KCNH2: variants seen among roughly 807,000 people sequenced by gnomAD.
KCNH2 encodes voltage-gated inwardly rectifying potassium channel KCNH2.
A neutral mutation model predicts 95.9 loss-of-function variants in KCNH2; 35 were observed. The ratio of observed to expected loss-of-function variants is 0.37; its 90% CI spans 0.28 to 0.48. The LOEUF (loss-of-function observed/expected upper bound fraction) is 0.48, where lower values mean the gene tolerates loss of function less well. Ranked by LOEUF, KCNH2 falls within the 20% of genes least tolerant of loss-of-function variation. KCNH2 has a pLI of 0.99. For synonymous variants in KCNH2, 786 were observed against 754.7 expected, an observed-to-expected ratio of 1.04 and a Z score of -0.68; for missense variants, 1,274 against 1,702.9, an observed-to-expected ratio of 0.75 and a Z score of 4.43.
chr7:150,959,610 G>A lies in KCNH2; in HGVS notation c.434C>T (p.Thr145Ile), dbSNP rs1801497068. The A allele has an allele frequency of 6.2e-7, 1 of 1,614,124 alleles. No homozygotes were observed. Among genetic ancestry groups the A allele is most frequent in the Non-Finnish European group, 8.5e-7 (1 of 1,180,002 alleles). The change falls in exon 3 of 15, where the codon ACC (threonine) becomes ATC (isoleucine). Residue 145 changes from threonine to isoleucine, a missense_variant. By Grantham distance (89) the Thr-to-Ile change is moderately conservative (BLOSUM62 -1). Coordinates refer to ENST00000262186, the MANE Select transcript of KCNH2 (RefSeq NM_000238.4). The stretch of plus-strand genomic sequence containing the variant: ...GCTGGTGGGGGGGCCCCGGTGGTTG[G>A]TGTCATGAGCCGGGGACCCCACCAT... ...KDMVGSPAHD[T>I]NHRGPPTSWL...
At chr7:150,963,205 G>A (rs575423639) in intron 2 of KCNH2, among the ~76,000 whole-genome samples, 1 of 152,354 alleles carries the variant, frequency 6.6e-6, no homozygotes, top group African/African-American at 2.4e-5. Context: ...GCACTCAGGG[G>A]GCAGCCAGGA....
In KCNH2 at chr7:150,958,324, G is replaced by A. The variant is rs1801453300; in HGVS notation, c.651C>T (p.Ala217=). ...SESLALDEVT[A]MDNHVAGLGP... is the part of the protein sequence containing the mutation. ...CGAGCCCTGCCACGTGGTTGTCCAT[G>A]GCTGTCACTTCGTCCAGGGCCAGCG... Residue 217 remains alanine (A), a synonymous_variant, in exon 4 of 15, where the codon GCC becomes GCT. Coordinates refer to ENST00000262186, the MANE Select transcript of KCNH2 (RefSeq NM_000238.4). 6.7e-7 allele frequency: 1 copy of A among 1,489,238 alleles called. No individual in the cohort carries two copies. Among genetic ancestry groups the A allele is most frequent in the Non-Finnish European group, 8.9e-7 (1 of 1,126,800 alleles). The allele number at this position is 1,489,238 out of a possible 1,614,324, so 92.3% of individuals were successfully genotyped here.
intron 2 of KCNH2, among the ~76,000 whole-genome samples, chr7:150,967,878 T>C (rs1033139596): frequency 2.0e-5 from 3 of 152,244 alleles, no homozygotes; most frequent in Non-Finnish European, 4.4e-5. Flanking sequence ...ATACACTGAA[T>C]GTTTAACAGT....
Position 150,946,290 on chromosome 7 carries a change from A to C in KCNH2, c.3330+587T>G, listed in dbSNP as rs192282915. 1.3e-5 allele frequency among the ~76,000 whole-genome samples: 2 copies of C among 152,288 alleles called. No individual in the cohort carries two copies. Among genetic ancestry groups the C allele is most frequent in the East Asian group, 3.9e-4 (2 of 5,178 alleles). The stretch of plus-strand genomic sequence containing the variant: ...GGGGCAACTAAGGCCCATCTCTAGC[A>C]GAGGGGGCAAAGCAGGCCCAGGAAG... On this transcript the variant is annotated intron_variant, in intron 14 of 14. Coordinates refer to ENST00000262186, the MANE Select transcript of KCNH2 (RefSeq NM_000238.4). The surrounding 1 kb of genome is among the most constrained non-coding windows in gnomAD (Gnocchi z 6.5).
intron 2 of KCNH2, 131 bp from the exon 3 acceptor site, chr7:150,959,867 G>T (rs1414723091): frequency 2.9e-6 from 3 of 1,026,794 alleles, no homozygotes; most frequent in African/African-American, 3.2e-5. Flanking sequence ...TCCTCTCCGG[G>T]ATCTCCCGTC....
chr7:150,955,692 G>C, intron 5 of KCNH2: 1 of 1,369,504 alleles, frequency 7.3e-7, no homozygotes, highest in South Asian at 1.9e-5. Context: ...CACCCTGGCA[G>C]TAAGCGTGGG....
Position 150,946,125 on chromosome 7 carries a change from T to A in KCNH2, c.3331-611A>T, listed in dbSNP as rs1800878535. ...GCAGCATATGGGAGGGGGGAGCGGA[T>A]GCCAAGGGAAGTGGGGAGGGAGCAG... On this transcript the variant is annotated intron_variant, in intron 14 of 14. Coordinates refer to ENST00000262186, the MANE Select transcript of KCNH2 (RefSeq NM_000238.4). The surrounding 1 kb of genome is among the most constrained non-coding windows in gnomAD (Gnocchi z 6.5). Among the ~76,000 whole-genome samples, 1 of 151,854 alleles carries A rather than the reference T, an allele frequency of 6.6e-6. No individual in the cohort carries two copies. Among genetic ancestry groups the A allele is most frequent in the East Asian group, 1.9e-4 (1 of 5,150 alleles).
Position 150,951,842 on chromosome 7 carries a change from G to A in KCNH2, c.1558-7C>T, listed in dbSNP as rs1584855008. On this transcript the variant is annotated splice_polypyrimidine_tract_variant and splice_region_variant and intron_variant, in intron 6 of 14. Transcript: ENST00000262186. ...TCTTCAGCAGCCCGATCAGCTGGGG[G>A]ACAGGGAAGGGGCACATTCCGTTGA... 2.6e-6 allele frequency: 4 copies of A among 1,564,106 alleles called. No homozygotes were observed. The highest frequency in any genetic ancestry group is 2.4e-5 in the South Asian group (2 of 83,380).
Position 150,952,364 on chromosome 7 carries a change from C to A in KCNH2, c.1557+61G>T, listed in dbSNP as rs899494989. The A allele has an allele frequency of 6.5e-7, 1 of 1,527,136 alleles. No homozygotes were observed. The highest frequency in any genetic ancestry group is 1.4e-5 in the African/African-American group (1 of 72,982). The allele number at this position is 1,527,136 out of a possible 1,614,324, so 94.6% of individuals were successfully genotyped here. A position where few individuals can be genotyped will look rare whatever the true frequency, so the allele number is the denominator to read the frequency against. On this transcript the variant is annotated intron_variant, in intron 6 of 14. Transcript: ENST00000262186. The surrounding 1 kb of genome is among the most constrained non-coding windows in gnomAD (Gnocchi z 7.3). ...CCTCGCCACCCCCTCCACCCCACTA[C>A]CTCCCACCACATTCCTGGCCTCTCC...
chr7:150,958,302 G>A lies in KCNH2; in HGVS notation c.673C>T (p.Leu225Phe). 6.8e-7 allele frequency: 1 copy of A among 1,477,866 alleles called. No homozygotes were observed. Among genetic ancestry groups the A allele is most frequent in the East Asian group, 2.9e-5 (1 of 34,082 alleles). 91.5% of individuals were successfully genotyped at this position (1,477,866 alleles called of 1,614,324 possible). Reference protein sequence around the residue: ...VTAMDNHVAGLGPAEERRALV... With the variant: ...VTAMDNHVAGFGPAEERRALV... Reference sequence around the variant, plus strand: ...GCACGCCGCTCCTCCGCGGGCCCGAGCCCTGCCACGTGGTTGTCCATGGCT... The same window carrying A: ...GCACGCCGCTCCTCCGCGGGCCCGAACCCTGCCACGTGGTTGTCCATGGCT... Residue 225 changes from leucine (L) to phenylalanine (F), a missense_variant, in exon 4 of 15, where the codon CTC becomes TTC. By Grantham distance (22) the Leu-to-Phe change is conservative. Coordinates refer to ENST00000262186, the MANE Select transcript of KCNH2 (RefSeq NM_000238.4).
At chr7:150,960,417 G>A (rs953282514) in intron 2 of KCNH2, among the ~76,000 whole-genome samples, 1 of 152,192 alleles carries the variant, frequency 6.6e-6, no homozygotes, top group African/African-American at 2.4e-5. Flanking sequence ...AGCACATGCT[G>A]AGCGCTTAGG....
intron 5 of KCNH2, among the ~76,000 whole-genome samples, chr7:150,956,719 CT>C (rs978762311): frequency 4.6e-5 from 7 of 152,284 alleles, no homozygotes; most frequent in African/African-American, 1.4e-4. Context: ...GAGAAGAAAA[CT>C]TGCTTCTCCC....
chr7:150,958,270 C>A lies in KCNH2; in HGVS notation c.705G>T (p.Val235=). The A allele has an allele frequency of 1.4e-6, 2 of 1,451,944 alleles. No individual in the cohort carries two copies. Among genetic ancestry groups the A allele is most frequent in the Non-Finnish European group, 9.0e-7 (1 of 1,105,830 alleles). The allele number at this position is 1,451,944 out of a possible 1,614,324, so 89.9% of individuals were successfully genotyped here. A position where few individuals can be genotyped will look rare whatever the true frequency, so the allele number is the denominator to read the frequency against. ...LGPAEERRAL[V]GPGSPPRSAP... ...CGCTGCGGGGCGGAGAGCCGGGACC[C>A]ACCAGCGCACGCCGCTCCTCCGCGG... Residue 235 remains valine, a synonymous_variant, in exon 4 of 15, where the codon GTG becomes GTT. Coordinates refer to ENST00000262186, the MANE Select transcript of KCNH2 (RefSeq NM_000238.4).
chr7:150,952,566 G>C lies in KCNH2; in HGVS notation c.1416C>G (p.Arg472=), dbSNP rs770899326. The part of the protein sequence containing the change: ...MFIVDILINF[R]TTYVNANEEV... ...CCTCGTTGGCATTGACGTAGGTGGTGCGGAAGTTGATGAGGATGTCCACAA... is the reference window on the plus strand; with the variant it reads ...CCTCGTTGGCATTGACGTAGGTGGTCCGGAAGTTGATGAGGATGTCCACAA... Residue 472 remains arginine, a synonymous_variant, in exon 6 of 15, where the codon CGC becomes CGG. Transcript: ENST00000262186. The surrounding 1 kb of genome is among the most constrained non-coding windows in gnomAD (Gnocchi z 7.3). The C allele has an allele frequency of 6.8e-6, 11 of 1,614,210 alleles. No individual in the cohort carries two copies. Among genetic ancestry groups the C allele is most frequent in the Non-Finnish European group, 9.3e-6 (11 of 1,180,044 alleles).
chr7:150,971,886 G>A (rs1329849041), intron 2 of KCNH2, among the ~76,000 whole-genome samples: 6 of 152,028 alleles, frequency 3.9e-5, no homozygotes, highest in Admixed American at 3.9e-4. Context: ...GGCAGAGGAG[G>A]AGCCACAGCC....
At position 150,946,981 on chromosome 7, in the gene KCNH2, G is replaced by A. The variant is rs1486937682; in HGVS notation, c.3226C>T (p.Pro1076Ser). ...GGGGTGGTCACAGCACTGTAGGCGG[G>A]CGGGACCAGCGTCATCTGCCTCTGT... ...LLQRQMTLVP[P>S]AYSAVTTPGP... Residue 1076 changes from proline to serine, a missense_variant, in exon 14 of 15, where the codon CCC becomes TCC. By Grantham distance (74) the Pro-to-Ser change is moderately conservative. This residue lies in a region of KCNH2 where 457 missense variants were observed against 416.1 expected (regional missense o/e 1.10). Coordinates refer to ENST00000262186, the MANE Select transcript of KCNH2 (RefSeq NM_000238.4). This position sits in a 1 kb window ranked among gnomAD's most constrained non-coding sequence, Gnocchi z 6.5. The A allele has an allele frequency of 6.2e-7, 1 of 1,610,362 alleles. No individual in the cohort carries two copies. The highest frequency in any genetic ancestry group is 8.5e-7 in the Non-Finnish European group (1 of 1,177,534).
chr7:150,973,864 CT>C (rs1346439309), intron 2 of KCNH2, among the ~76,000 whole-genome samples: 2 of 152,334 alleles, frequency 1.3e-5, no homozygotes, highest in Admixed American at 1.3e-4. Flanking sequence ...TGAGTCAATG[CT>C]TATGGGACAC....
chr7:150,948,605 C>A, intron 10 of KCNH2, 62 bp from the exon 11 acceptor site: 1 of 1,431,538 alleles, frequency 7.0e-7, no homozygotes, highest in South Asian at 1.1e-5. Flanking sequence ...GGGTCAGGCC[C>A]CAAGCTCCCT....
In KCNH2 at chr7:150,947,587, C is replaced by T. The variant is rs763832924; in HGVS notation, c.2965+19G>A. On this transcript the variant is annotated intron_variant, in intron 12 of 14. Coordinates refer to ENST00000262186, the MANE Select transcript of KCNH2 (RefSeq NM_000238.4). ...CTGCCACGCCCGGTCCTCCCTCGCC[C>T]GCCCGTCGCCCGGGATACCTGACAG... 17 of 1,610,876 alleles carry T rather than the reference C, an allele frequency of 1.1e-5. No individual in the cohort carries two copies. Among genetic ancestry groups the T allele is most frequent in the African/African-American group, 2.7e-5 (2 of 74,908 alleles).
Sources: allele counts gnomAD v4.1 joint callset (sites outside exome capture counted in the v4.1 genomes callset), GRCh38; gene constraint gnomAD v4.1.1; regional missense constraint gnomAD v4.1.1; non-coding constraint Gnocchi (gnomAD v3.1); transcripts MANE v1.5; gene names NCBI Gene and HGNC (gene_info 2026-07-23, HGNC 2026-07-21).